TASP1: variants seen among roughly 807,000 people sequenced by gnomAD.
TASP1 encodes threonine aspartase 1.
TASP1 carries 16 observed loss-of-function variants against 56.6 expected under a neutral mutation model. That is an observed-to-expected ratio of 0.28 (90% CI 0.19 to 0.43). The LOEUF (loss-of-function observed/expected upper bound fraction) is 0.43. Among genes scored for constraint, TASP1 ranks in the 20% least tolerant of loss-of-function variants. The pLI is 1.00. For missense variants in TASP1, 393 were observed against 511.6 expected, an observed-to-expected ratio of 0.77 and a Z score of 2.24; for synonymous variants, 179 against 184.2, an observed-to-expected ratio of 0.97 and a Z score of 0.23.
intron 3 of TASP1, among the ~76,000 whole-genome samples, chr20:13,624,109 GAA>G (rs909437103): frequency 3.3e-5 from 5 of 152,026 alleles, no homozygotes; most frequent in African/African-American, 1.2e-4. Flanking sequence ...ATTAGGAGAG[GAA>G]AAGAGAGAGA....
intron 5 of TASP1, among the ~76,000 whole-genome samples, 188 bp from the exon 6 acceptor site, chr20:13,581,169 G>C (rs889275534): frequency 6.6e-6 from 1 of 152,210 alleles, no homozygotes; most frequent in African/African-American, 2.4e-5. Context: ...AAAAATGTAT[G>C]AAAACCTAGA....
the TASP1 span, among the ~76,000 whole-genome samples, chr20:13,202,131 G>A: frequency 6.6e-6 from 1 of 152,178 alleles, no homozygotes; most frequent in African/African-American, 2.4e-5. Context: ...GTGATGTGAT[G>A]ATAAATATTT....
At chr20:13,359,575 A>G in the TASP1 span, among the ~76,000 whole-genome samples, 44,578 of 140,832 alleles carry the variant, frequency 0.32, 7,700 homozygotes, top group African/African-American at 0.55. Flanking sequence ...CTTTTCAAGG[A>G]CCTGTTTCCC....
chr20:13,471,650 C>G (rs544043873), intron 11 of TASP1, among the ~76,000 whole-genome samples: 4 of 152,304 alleles, frequency 2.6e-5, no homozygotes, highest in African/African-American at 9.6e-5. Context: ...GGTCTCCTTC[C>G]TCCAATCCAT....
intron 9 of TASP1, among the ~76,000 whole-genome samples, chr20:13,533,091 A>G (rs552195044): frequency 2.0e-5 from 3 of 152,180 alleles, no homozygotes; most frequent in Non-Finnish European, 2.9e-5. Context: ...GTGTGCAGTG[A>G]TATTCTCCAT....
the TASP1 span, among the ~76,000 whole-genome samples, chr20:13,354,637 A>C: frequency 6.6e-6 from 1 of 152,228 alleles, no homozygotes; most frequent in African/African-American, 2.4e-5. Context: ...TAAAGAACAT[A>C]ATCCTACAAA....
intron 4 of TASP1, among the ~76,000 whole-genome samples, chr20:13,591,566 C>T (rs1277272690): frequency 6.6e-6 from 1 of 152,080 alleles, no homozygotes; most frequent in East Asian, 1.9e-4. Flanking sequence ...CAAACCTACA[C>T]TATAAGTAAT....
chr20:13,314,164 A>G, the TASP1 span, among the ~76,000 whole-genome samples: 2 of 152,200 alleles, frequency 1.3e-5, no homozygotes, highest in African/African-American at 2.4e-5. Context: ...TAACATACAC[A>G]TAATGGGAAT....
At chr20:13,136,441 T>C in the TASP1 span, among the ~76,000 whole-genome samples, 31 of 151,398 alleles carry the variant, frequency 2.0e-4, no homozygotes, top group Non-Finnish European at 1.9e-4. Flanking sequence ...TACCAAAACA[T>C]ACAAAAAAAT....
chr20:13,253,817 T>C, the TASP1 span, among the ~76,000 whole-genome samples: 1 of 151,656 alleles, frequency 6.6e-6, no homozygotes, highest in African/African-American at 2.4e-5. Context: ...TATCTTAAAA[T>C]TTAAAAAAAA....
the TASP1 span, among the ~76,000 whole-genome samples, chr20:13,382,216 A>G: frequency 1.3e-5 from 2 of 152,350 alleles, no homozygotes; most frequent in South Asian, 4.1e-4. Context: ...AGCCAGTTTC[A>G]GTAAATTTTT....
chr20:13,330,739 A>G, the TASP1 span, among the ~76,000 whole-genome samples: 3 of 152,150 alleles, frequency 2.0e-5, no homozygotes, highest in African/African-American at 4.8e-5. Context: ...GTGAGTTTAG[A>G]TAGTTTGTGG....
the TASP1 span, chr20:13,165,525 A>T: frequency 6.6e-6 from 1 of 152,212 alleles, no homozygotes; most frequent in Non-Finnish European, 1.5e-5. Context: ...CTGGTCTCCT[A>T]CAGTTTTACA....
At chr20:13,434,600 A>G (rs1048840784) in intron 12 of TASP1, among the ~76,000 whole-genome samples, 44 of 152,284 alleles carry the variant, frequency 2.9e-4, no homozygotes, top group African/African-American at 1.0e-3. Context: ...CAATGCACGA[A>G]GGTGTCATGG....
chr20:13,503,064 G>C (rs2044003219), intron 10 of TASP1, among the ~76,000 whole-genome samples: 1 of 152,080 alleles, frequency 6.6e-6, no homozygotes, highest in Non-Finnish European at 1.5e-5. Context: ...CTTCTTTCTT[G>C]CCCCACCCAG....
At chr20:13,478,699 C>T (rs1270698227) in intron 11 of TASP1, among the ~76,000 whole-genome samples, 1 of 152,028 alleles carries the variant, frequency 6.6e-6, no homozygotes, top group Non-Finnish European at 1.5e-5. Flanking sequence ...CAAAACTGCA[C>T]TTGAACCCCT....
chr20:13,553,226 TGA>T (rs2046039790), intron 8 of TASP1, among the ~76,000 whole-genome samples: 1 of 152,262 alleles, frequency 6.6e-6, no homozygotes, highest in African/African-American at 2.4e-5. Context: ...ATGACAGGTG[TGA>T]GTCACTGTAC....
chr20:13,631,999 C>T (rs1214728342), intron 1 of TASP1, among the ~76,000 whole-genome samples: 1 of 151,864 alleles, frequency 6.6e-6, no homozygotes, highest in African/African-American at 2.4e-5. Context: ...TTGCCTTGAG[C>T]TGCGATCGCG....
the TASP1 span, among the ~76,000 whole-genome samples, chr20:13,308,771 C>A: frequency 6.6e-6 from 1 of 152,088 alleles, no homozygotes; most frequent in Non-Finnish European, 1.5e-5. Context: ...TCCTAACCCC[C>A]AAAGTTATGA....
Sources: gnomAD v4.1 joint callset for allele counts (sites outside exome capture counted in the v4.1 genomes callset) on GRCh38, gnomAD v4.1.1 for gene constraint, MANE v1.5 for transcripts, NCBI Gene and HGNC (gene_info 2026-07-23, HGNC 2026-07-21) for gene names.